Variants in MYOM2 observed in about 807,000 individuals in gnomAD.
MYOM2 encodes myomesin 2.
Under a neutral mutation model 187.6 loss-of-function variants are expected in MYOM2, and 254 were observed. The ratio of observed to expected loss-of-function variants is 1.35; its 90% CI spans 1.22 to 1.50. The LOEUF (loss-of-function observed/expected upper bound fraction) is 1.50. MYOM2 is among the 40% of genes most tolerant of loss of function. MYOM2 has a pLI of 0.00. For missense variants in MYOM2, 2,796 were observed against 1,924.0 expected, an observed-to-expected ratio of 1.45 and a Z score of -8.48; for synonymous variants, 981 against 753.8, an observed-to-expected ratio of 1.30 and a Z score of -4.94.
intron 23 of MYOM2, among the ~76,000 whole-genome samples, chr8:2,106,804 T>A (rs1013072952): frequency 6.6e-6 from 1 of 152,306 alleles, no homozygotes; most frequent in Middle Eastern, 3.4e-3. Context: ...TAGTCTCTGG[T>A]CCTGATATAT....
chr8:2,073,453 T>G lies in MYOM2; in HGVS notation c.1073T>G (p.Val358Gly), dbSNP rs1563431964. Residue 358 changes from valine to glycine, a missense_variant, in exon 10 of 37, where the codon GTG becomes GGG. Transcript: ENST00000262113. ...DDEGLYTLRI[V>G]SRGGVSDHSA... ...GAGGGCCTGTACACCCTGCGCATCG[T>G]GTCTCGGGGCGGCGTCAGCGACCAC... 1 of 1,611,294 alleles carries G rather than the reference T, an allele frequency of 6.2e-7. No homozygotes were observed. Among genetic ancestry groups the G allele is most frequent in the Non-Finnish European group, 8.5e-7 (1 of 1,179,652 alleles).
chr8:2,114,073 G>A (rs923933769), intron 25 of MYOM2, among the ~76,000 whole-genome samples: 6 of 152,178 alleles, frequency 3.9e-5, no homozygotes, highest in Non-Finnish European at 5.9e-5. Context: ...GCCTCACCCG[G>A]GGGCATCAGG....
In MYOM2 at chr8:2,090,140, C is replaced by T. The variant is rs774944195; in HGVS notation, c.1777C>T (p.Leu593=). Residue 593 remains leucine (L), a synonymous_variant, in exon 15 of 37, where the codon CTG becomes TTG. Coordinates refer to ENST00000262113, the MANE Select transcript of MYOM2 (RefSeq NM_003970.4). ...AGTGCTGTCAGCAAACCGGCATGGC[C>T]TGAGCGAACCTTCGGAGATAACGTC... ...FRVLSANRHG[L]SEPSEITSPI... 6.2e-7 allele frequency: 1 copy of T among 1,614,088 alleles called. No individual in the cohort carries two copies. Among genetic ancestry groups the T allele is most frequent in the South Asian group, 1.1e-5 (1 of 91,066 alleles).
In MYOM2 at chr8:2,076,169, C is replaced by T. The variant is rs779102578; in HGVS notation, c.1149C>T (p.Pro383=). ...RDADPLVTGA[P]GAPMDLQCHD... is the part of the protein sequence containing the mutation. ...CTGACCCGCTGGTCACAGGGGCCCC[C>T]GGTGCACCCATGGACTTGCAGTGCC... Residue 383 remains proline (P), a synonymous_variant, in exon 11 of 37, where the codon CCC becomes CCT. Transcript: ENST00000262113. 25 of 1,612,724 alleles carry T rather than the reference C, an allele frequency of 1.6e-5. No homozygotes were observed. Among genetic ancestry groups the T allele is most frequent in the South Asian group, 9.9e-5 (9 of 90,800 alleles).
chr8:2,095,304 T>G (rs1215054181), intron 17 of MYOM2, among the ~76,000 whole-genome samples: 2 of 151,602 alleles, frequency 1.3e-5, no homozygotes, highest in African/African-American at 2.4e-5. Context: ...TTTTTTTTTT[T>G]TTTTCGACGT....
At chr8:2,126,357 C>T in intron 31 of MYOM2, among the ~76,000 whole-genome samples, 1 of 131,128 alleles carries the variant, frequency 7.6e-6, no homozygotes, top group African/African-American at 2.6e-5. Flanking sequence ...TGTCAACACA[C>T]TCACACCCAC....
At chr8:2,144,513 GGCGC>G in intron 36 of MYOM2, 147 bp from the exon 37 acceptor site, 1 of 744,538 alleles carries the variant, frequency 1.3e-6, no homozygotes, top group Non-Finnish European at 2.2e-6. Context: ...TGTCCAGAGC[GGCGC>G]TCATGTACAT....
At chr8:2,056,876 G>A (rs996121350) in intron 3 of MYOM2, among the ~76,000 whole-genome samples, 4 of 152,164 alleles carry the variant, frequency 2.6e-5, no homozygotes, top group African/African-American at 9.7e-5. Context: ...TTCCCGAGTT[G>A]CCCTGTCTTT....
At chr8:2,119,555 A>T (rs928604897) in intron 28 of MYOM2, 1 of 152,870 alleles carries the variant, frequency 6.5e-6, no homozygotes, top group Non-Finnish European at 1.5e-5. Flanking sequence ...CTCCCTGGCA[A>T]GGCAGGGTCT....
chr8:2,113,524 G>T (rs1213549016), intron 25 of MYOM2, among the ~76,000 whole-genome samples: 1 of 152,168 alleles, frequency 6.6e-6, no homozygotes, highest in Non-Finnish European at 1.5e-5. Flanking sequence ...GTCAAAGAGG[G>T]TGGTGCAGGG....
chr8:2,143,553 G>A lies in MYOM2; in HGVS notation c.4080+97G>A, dbSNP rs572948516. 209 of 1,442,898 alleles carry A rather than the reference G, an allele frequency of 1.4e-4. No individual in the cohort carries two copies. In the African/African-American group the frequency reaches 2.7e-3, roughly 19 times the overall value. 89.4% of individuals were successfully genotyped at this position (1,442,898 alleles called of 1,614,324 possible). A position where few individuals can be genotyped will look rare whatever the true frequency, so the allele number is the denominator to read the frequency against. On this transcript the variant is annotated intron_variant, in intron 36 of 36. Transcript: ENST00000262113. ...CGGAGCAGAGGGAACCCAGTGAGGG[G>A]CTTCTGTGTCCTCACTCAGCCTGCA...
intron 24 of MYOM2, 130 bp from the exon 25 acceptor site, chr8:2,109,265 A>G: frequency 9.1e-7 from 1 of 1,099,326 alleles, no homozygotes; most frequent in African/African-American, 1.6e-5. Flanking sequence ...AGCTTCCATA[A>G]TCTAATACTC....
chr8:2,120,675 T>TAACATATA (rs1220891042), intron 28 of MYOM2, among the ~76,000 whole-genome samples: 1 of 41,432 alleles, frequency 2.4e-5, no homozygotes, highest in Non-Finnish European at 5.2e-5. Flanking sequence ...TATATATATA[T>TAACATATA]TATATTATAT....
intron 14 of MYOM2, among the ~76,000 whole-genome samples, chr8:2,087,129 C>A (rs773601441): frequency 6.6e-6 from 1 of 152,148 alleles, no homozygotes; most frequent in Admixed American, 6.5e-5. Context: ...TGGTGACGAC[C>A]CCCTGTTGGG....
intron 36 of MYOM2, 125 bp from the exon 37 acceptor site, chr8:2,144,539 T>C: frequency 9.9e-7 from 1 of 1,012,224 alleles, no homozygotes; most frequent in Non-Finnish European, 1.5e-6. Context: ...AAGGCTTGTT[T>C]CTAAACAAAC....
At chr8:2,079,510 T>G in intron 12 of MYOM2, 50 bp from the exon 13 acceptor site, 1 of 1,594,026 alleles carries the variant, frequency 6.3e-7, no homozygotes, top group Non-Finnish European at 8.6e-7. Context: ...AAACGGGCTT[T>G]TGGGGAAAAC....
At chr8:2,143,501 C>T (rs745505921) in intron 36 of MYOM2, 45 bp downstream of exon 36, 38 of 1,607,662 alleles carry the variant, frequency 2.4e-5, no homozygotes, top group African/African-American at 9.4e-5. Flanking sequence ...CAGCACGGTG[C>T]GATGGACGCA....
intron 3 of MYOM2, among the ~76,000 whole-genome samples, chr8:2,056,528 C>A (rs935829026): frequency 3.9e-5 from 2 of 51,232 alleles, no homozygotes; most frequent in African/African-American, 9.2e-5. Context: ...ATTTCTGAGT[C>A]CCTAAGGACT....
chr8:2,100,861 C>T lies in MYOM2; in HGVS notation c.2441-15C>T. On this transcript the variant is annotated splice_polypyrimidine_tract_variant and intron_variant, in intron 19 of 36. Transcript: ENST00000262113. The stretch of plus-strand genomic sequence containing the variant: ...GGCTATGCGCGCAGAAACAAGGTGG[C>T]ATCTGACTTCACAGGTCCTGCCTAC... The T allele has an allele frequency of 6.2e-7, 1 of 1,613,708 alleles. No homozygotes were observed. The highest frequency in any genetic ancestry group is 8.5e-7 in the Non-Finnish European group (1 of 1,179,728).
Sources: gnomAD v4.1 joint callset for allele counts (sites outside exome capture counted in the v4.1 genomes callset) on GRCh38, gnomAD v4.1.1 for gene constraint, MANE v1.5 for transcripts, NCBI Gene and HGNC (gene_info 2026-07-23, HGNC 2026-07-21) for gene names.